The following RASEF variants were observed in gnomAD, a reference collection of about 807,000 sequenced individuals.
RASEF encodes RAS and EF-hand domain containing.
RASEF carries 68 observed loss-of-function variants against 90.1 expected under a neutral mutation model. The ratio of observed to expected loss-of-function variants is 0.75; its 90% CI spans 0.62 to 0.92. The LOEUF (loss-of-function observed/expected upper bound fraction) is 0.92, where lower values mean the gene tolerates loss of function less well. Ranked by LOEUF, RASEF falls within the 40% of genes least tolerant of loss-of-function variation. The probability of loss-of-function intolerance (pLI) is 0.00; values close to 1 mark genes in which losing one functional copy is unlikely to be tolerated. For missense variants in RASEF, 949 were observed against 937.2 expected (o/e 1.01, Z -0.16); for synonymous variants, 331 against 345.2 (o/e 0.96, Z 0.46).
the RASEF span, among the ~76,000 whole-genome samples, chr9:83,183,588 A>G: frequency 6.6e-6 from 1 of 152,202 alleles, no homozygotes; most frequent in Non-Finnish European, 1.5e-5. Flanking sequence ...GACTTCCATT[A>G]AATCATTATT....
chr9:83,089,730 G>A, the RASEF span, among the ~76,000 whole-genome samples: 2 of 152,202 alleles, frequency 1.3e-5, no homozygotes, highest in Non-Finnish European at 2.9e-5. Flanking sequence ...AGAGTTGATT[G>A]CAATTTCTCT....
the RASEF span, among the ~76,000 whole-genome samples, chr9:83,200,773 T>C: frequency 6.6e-6 from 1 of 152,128 alleles, no homozygotes; most frequent in Non-Finnish European, 1.5e-5. Flanking sequence ...CTACATGAAT[T>C]AGTTAAGTCA....
intron 1 of RASEF, among the ~76,000 whole-genome samples, chr9:83,047,397 T>C (rs1829953270): frequency 6.6e-6 from 1 of 152,144 alleles, no homozygotes; most frequent in South Asian, 2.1e-4. Flanking sequence ...ATTCCAACAA[T>C]GAAAGAAAAC....
At chr9:83,136,101 A>G in the RASEF span, among the ~76,000 whole-genome samples, 1 of 152,054 alleles carries the variant, frequency 6.6e-6, no homozygotes, top group African/African-American at 2.4e-5. Context: ...AATATTAAAA[A>G]TATATAAAAA....
intron 16 of RASEF, among the ~76,000 whole-genome samples, chr9:82,984,158 A>G (rs1828670109): frequency 2.6e-5 from 4 of 152,226 alleles, no homozygotes. Flanking sequence ...TAGTAGCCAG[A>G]TTTTTAAAAG....
At chr9:83,016,949 T>C (rs1480580005) in intron 3 of RASEF, among the ~76,000 whole-genome samples, 1 of 152,144 alleles carries the variant, frequency 6.6e-6, no homozygotes, top group Non-Finnish European at 1.5e-5. Flanking sequence ...CCATGTGAAA[T>C]GCTTGGCAGA....
intron 1 of RASEF, chr9:83,055,522 G>A: frequency 2.8e-6 from 2 of 707,814 alleles, no homozygotes; most frequent in Non-Finnish European, 5.2e-6. Flanking sequence ...GCTCACGCTG[G>A]GAGCTGTAGA....
the RASEF span, among the ~76,000 whole-genome samples, chr9:83,182,263 TG>T: frequency 6.6e-6 from 1 of 152,222 alleles, no homozygotes; most frequent in Non-Finnish European, 1.5e-5. Flanking sequence ...CATTCAGTCT[TG>T]TTAACCCAGG....
At chr9:83,174,374 C>A in the RASEF span, among the ~76,000 whole-genome samples, 1 of 151,978 alleles carries the variant, frequency 6.6e-6, no homozygotes, top group Non-Finnish European at 1.5e-5. Context: ...CGGTGGATAG[C>A]CAGTTGTCAT....
chr9:83,061,631 G>A lies in RASEF; in HGVS notation c.431+806C>T, dbSNP rs116679843. On this transcript the variant is annotated intron_variant, in intron 1 of 16. Transcript: ENST00000376447. ...GAAAATCTGAGCCTCTCTCCCTCCAGGCCCTGAAATCCCACCTGCAGGCAT... is the reference window on the plus strand; with the variant it reads ...GAAAATCTGAGCCTCTCTCCCTCCAAGCCCTGAAATCCCACCTGCAGGCAT... Among the ~76,000 whole-genome samples the A allele has an allele frequency of 6.3e-3, 964 of 152,234 alleles. 6 individuals are homozygous for A. The highest frequency in any genetic ancestry group is 0.022 in the African/African-American group (927 of 41,536).
At chr9:83,021,599 G>T (rs1482549877) in intron 3 of RASEF, among the ~76,000 whole-genome samples, 1 of 152,118 alleles carries the variant, frequency 6.6e-6, no homozygotes, top group Admixed American at 6.6e-5. Flanking sequence ...CTGCATCTGC[G>T]AATTCAACCA....
At position 83,005,425 on chromosome 9, in the gene RASEF, G is replaced by A; in HGVS notation, c.1104C>T (p.Asn368=). ...AAACTATGTGGCATACCAAAGATCT[G>A]TTGAACTTGCTATAACTGTTTTCAA... ...SALENSYSKF[N]RSLHINNISP... The change falls in exon 8 of 17, where the codon AAC becomes AAT. Residue 368 remains asparagine (N), a synonymous_variant. Coordinates refer to ENST00000376447, the MANE Select transcript of RASEF (RefSeq NM_152573.4). The A allele has an allele frequency of 1.2e-6, 2 of 1,609,930 alleles. No homozygotes were observed. The highest frequency in any genetic ancestry group is 1.7e-6 in the Non-Finnish European group (2 of 1,176,286).
upstream of RASEF, among the ~76,000 whole-genome samples, chr9:83,067,718 C>T (rs1311565293): frequency 6.6e-6 from 1 of 152,140 alleles, no homozygotes; most frequent in African/African-American, 2.4e-5. Context: ...AGTTGGCGTT[C>T]ATTATTAGAA....
chr9:83,065,696 T>C (rs1587534670), upstream of RASEF, among the ~76,000 whole-genome samples: 1 of 152,220 alleles, frequency 6.6e-6, no homozygotes, highest in African/African-American at 2.4e-5. Context: ...CAGGCTCTTG[T>C]CCTAACATCC....
At chr9:83,100,961 T>C in the RASEF span, among the ~76,000 whole-genome samples, 1 of 152,202 alleles carries the variant, frequency 6.6e-6, no homozygotes, top group African/African-American at 2.4e-5. Flanking sequence ...TTAGGTATAT[T>C]ACCTACTAAA....
Position 83,027,732 on chromosome 9 carries a change from C to T in RASEF, c.432-1811G>A, listed in dbSNP as rs974177149. On this transcript the variant is annotated intron_variant, in intron 1 of 16. Transcript: ENST00000376447. The stretch of plus-strand genomic sequence containing the variant: ...ACTCACAGTTTAAGAGCTGATTCAC[C>T]GACAGGAATGTAGCATGATGTATGA... Among the ~76,000 whole-genome samples, 18 of 152,074 alleles carry T rather than the reference C, an allele frequency of 1.2e-4. 1 individual carries two copies. The highest frequency in any genetic ancestry group is 4.1e-4 in the South Asian group (2 of 4,826).
intron 12 of RASEF, among the ~76,000 whole-genome samples, chr9:82,999,271 G>A (rs1229889829): frequency 6.6e-6 from 1 of 152,134 alleles, no homozygotes; most frequent in Non-Finnish European, 1.5e-5. Context: ...GGTGGGTAAC[G>A]GATCATATAT....
chr9:83,111,339 G>A, the RASEF span, among the ~76,000 whole-genome samples: 1 of 152,066 alleles, frequency 6.6e-6, no homozygotes, highest in Non-Finnish European at 1.5e-5. Context: ...GGTTACCAGG[G>A]TTTGAGAGAG....
chr9:83,158,595 T>C, the RASEF span, among the ~76,000 whole-genome samples: 1 of 147,440 alleles, frequency 6.8e-6, no homozygotes, highest in Non-Finnish European at 1.5e-5. Flanking sequence ...TGTATATATG[T>C]CCAAATATAT....
Sources: allele counts gnomAD v4.1 joint callset (sites outside exome capture counted in the v4.1 genomes callset), GRCh38; gene constraint gnomAD v4.1.1; transcripts MANE v1.5; gene names NCBI Gene and HGNC (gene_info 2026-07-23, HGNC 2026-07-21).